LDLRAD3: variants seen among roughly 807,000 people sequenced by gnomAD.
The protein encoded by LDLRAD3 is low density lipoprotein receptor class A domain containing 3, also known as low-density lipoprotein receptor class A domain-containing protein 3.
A neutral mutation model predicts 29.4 loss-of-function variants in LDLRAD3; 20 were observed. The ratio of observed to expected loss-of-function variants is 0.68; its 90% confidence interval spans 0.48 to 0.99. The LOEUF (loss-of-function observed/expected upper bound fraction) is 0.99, where lower values mean the gene tolerates loss of function less well. Ranked by LOEUF, LDLRAD3 falls within the 50% of genes least tolerant of loss-of-function variation. The pLI is 0.00. For missense variants in LDLRAD3, 420 were observed against 454.3 expected (o/e 0.92, Z 0.69); for synonymous variants, 157 against 192.7 (o/e 0.81, Z 1.53).
chr11:36,168,782 A>G (rs1854554166), intron 4 of LDLRAD3, among the ~76,000 whole-genome samples: 1 of 152,158 alleles, frequency 6.6e-6, no homozygotes, highest in African/African-American at 2.4e-5. Context: ...GCCCTGGAAA[A>G]GTTGGGTTCC....
At chr11:36,039,243 A>G (rs1852349696) in intron 2 of LDLRAD3, among the ~76,000 whole-genome samples, 2 of 152,154 alleles carry the variant, frequency 1.3e-5, no homozygotes, top group African/African-American at 2.4e-5. Context: ...TGCTGGGATT[A>G]CAGGCGTGAG....
rs568976188 is a variant in LDLRAD3, at chr11:35,989,929, C to T, written c.46+45785C>T. ...TTGCCTGATTGCTCTGCTAAGACTT[C>T]CAGGGATCATCTGAAAACCTCATAG... On this transcript the variant is annotated intron_variant, in intron 1 of 5. Transcript: ENST00000315571. Among the ~76,000 whole-genome samples, 4 of 152,204 alleles carry T rather than the reference C, an allele frequency of 2.6e-5. No homozygotes were observed. The South Asian group carries it at 8.3e-4, about 32-fold the overall frequency.
At chr11:36,040,250 C>T (rs986080583) in intron 2 of LDLRAD3, among the ~76,000 whole-genome samples, 2 of 151,830 alleles carry the variant, frequency 1.3e-5, no homozygotes, top group African/African-American at 4.8e-5. Flanking sequence ...AGGCAGTGAG[C>T]AGCTCTTCTG....
intron 3 of LDLRAD3, among the ~76,000 whole-genome samples, chr11:36,093,159 A>G (rs1048666508): frequency 6.6e-6 from 1 of 152,210 alleles, no homozygotes; most frequent in Non-Finnish European, 1.5e-5. Flanking sequence ...GTGCTCACTG[A>G]AACATTTCTG....
intron 4 of LDLRAD3, among the ~76,000 whole-genome samples, chr11:36,133,547 CTTTTTTT>C (rs67935336): frequency 1.2e-4 from 14 of 119,894 alleles, no homozygotes; most frequent in Admixed American, 8.1e-4. Context: ...TTTTTCTTTT[CTTTTTTT>C]TTTTTTTTTT....
chr11:35,944,857 C>T lies in LDLRAD3; in HGVS notation c.46+713C>T, dbSNP rs905981906. On this transcript the variant is annotated intron_variant, in intron 1 of 5. Transcript: ENST00000315571. This position sits in a 1 kb window ranked among gnomAD's most constrained non-coding sequence, Gnocchi z 4.9. ...GGACACGGGGCTTCATCCGGCGGCC[C>T]TTTGAACCTGGCATCACCACCGCGT... Among the ~76,000 whole-genome samples, 4 of 152,328 alleles carry T rather than the reference C, an allele frequency of 2.6e-5. No homozygotes were observed. Among genetic ancestry groups the T allele is most frequent in the Non-Finnish European group, 5.9e-5 (4 of 68,028 alleles).
chr11:36,124,548 T>C (rs7127894), intron 4 of LDLRAD3, among the ~76,000 whole-genome samples: 62,848 of 151,922 alleles, frequency 0.41, 13,515 homozygotes, highest in East Asian at 0.69. Context: ...GGTGGGTATT[T>C]TGGGAGTTTT....
chr11:35,959,347 A>T (rs263086), intron 1 of LDLRAD3, among the ~76,000 whole-genome samples: 17,517 of 152,138 alleles, frequency 0.12, 1,965 homozygotes, highest in African/African-American at 0.29. Flanking sequence ...TTAATCTCTG[A>T]CTTCTTAATG....
intron 1 of LDLRAD3, among the ~76,000 whole-genome samples, chr11:35,983,144 G>A (rs952205887): frequency 6.6e-6 from 1 of 152,098 alleles, no homozygotes; most frequent in African/African-American, 2.4e-5. Context: ...GTGAGCCACC[G>A]CTCCTGGCCA....
chr11:36,199,195 C>A (rs963809098), intron 4 of LDLRAD3, among the ~76,000 whole-genome samples: 1 of 152,112 alleles, frequency 6.6e-6, no homozygotes, highest in African/African-American at 2.4e-5. Flanking sequence ...CCACTGCGCC[C>A]GGCCACAGCA....
At chr11:36,002,883 A>C (rs1315795293) in intron 1 of LDLRAD3, among the ~76,000 whole-genome samples, 1 of 152,218 alleles carries the variant, frequency 6.6e-6, no homozygotes, top group African/African-American at 2.4e-5. Flanking sequence ...CATCCTACAA[A>C]TGGAATATGT....
chr11:35,944,489 G>A lies in LDLRAD3; in HGVS notation c.46+345G>A, dbSNP rs1051913420. 3.3e-5 allele frequency among the ~76,000 whole-genome samples: 5 copies of A among 149,660 alleles called. No individual in the cohort carries two copies. The highest frequency in any genetic ancestry group is 1.3e-4 in the African/African-American group (5 of 39,774). ...GTTGTGTGTGTTGAGGAACGGAGGC[G>A]GGGAAAGGAAAGGAGAGGAGAGGAG... On this transcript the variant is annotated intron_variant, in intron 1 of 5. Transcript: ENST00000315571. The surrounding 1 kb of genome is among the most constrained non-coding windows in gnomAD (Gnocchi z 4.9).
At chr11:36,145,480 C>A (rs1350631747) in intron 4 of LDLRAD3, among the ~76,000 whole-genome samples, 1 of 146,586 alleles carries the variant, frequency 6.8e-6, no homozygotes, top group Non-Finnish European at 1.5e-5. Flanking sequence ...CCTCTCTGCC[C>A]GGCCACCACC....
intron 4 of LDLRAD3, among the ~76,000 whole-genome samples, chr11:36,107,097 T>G (rs527899500): frequency 2.0e-5 from 3 of 152,360 alleles, no homozygotes; most frequent in Middle Eastern, 3.4e-3. Context: ...CAGTGAATCT[T>G]TGCTGTTGTA....
At chr11:35,977,071 G>A (rs1851485986) in intron 1 of LDLRAD3, among the ~76,000 whole-genome samples, 1 of 152,192 alleles carries the variant, frequency 6.6e-6, no homozygotes, top group Non-Finnish European at 1.5e-5. Flanking sequence ...CATGTGTTAT[G>A]CCTATTGAGT....
At chr11:36,204,980 C>G (rs546069399) in intron 4 of LDLRAD3, among the ~76,000 whole-genome samples, 3 of 152,278 alleles carry the variant, frequency 2.0e-5, no homozygotes, top group Admixed American at 6.5e-5. Flanking sequence ...ATTCTTGCCC[C>G]CGCCCTAATG....
intron 4 of LDLRAD3, among the ~76,000 whole-genome samples, chr11:36,222,838 A>G (rs538583039): frequency 3.3e-5 from 5 of 152,302 alleles, no homozygotes; most frequent in Admixed American, 2.0e-4. Flanking sequence ...CTGCTTCTCC[A>G]CAGGCAGCTG....
rs917358518 is a variant in LDLRAD3 at position 36,231,437 on chromosome 11, G to A, written c.*2040G>A. On this transcript the variant is annotated 3_prime_UTR_variant, in exon 6 of 6. Transcript: ENST00000315571. ...ACAGCCAGAATGTGTTAGAACTCTG[G>A]CTGAACATTTCATCTCCTGTGAGTC... 7 of 152,160 alleles carry A rather than the reference G, an allele frequency of 4.6e-5. No homozygotes were observed. Among genetic ancestry groups the A allele is most frequent in the African/African-American group, 1.7e-4 (7 of 41,444 alleles). The allele number at this position is 152,160 out of a possible 1,614,324, so 9.4% of individuals were successfully genotyped here.
At chr11:36,070,603 C>A (rs977930228) in intron 2 of LDLRAD3, among the ~76,000 whole-genome samples, 2 of 152,130 alleles carry the variant, frequency 1.3e-5, no homozygotes, top group African/African-American at 4.8e-5. Flanking sequence ...AATCATGAGG[C>A]CATTTGCTCT....
Sources: allele counts gnomAD v4.1 joint callset (sites outside exome capture counted in the v4.1 genomes callset), GRCh38; gene constraint gnomAD v4.1.1; non-coding constraint Gnocchi (gnomAD v3.1); transcripts MANE v1.5; gene names NCBI Gene and HGNC (gene_info 2026-07-23, HGNC 2026-07-21).